FGF2: variants seen among roughly 807,000 people sequenced by gnomAD.
FGF2 encodes basic fibroblast growth factor bFGF.
A neutral mutation model predicts 15.9 loss-of-function variants in FGF2; 13 were observed. The ratio of observed to expected loss-of-function variants is 0.82; its 90% confidence interval spans 0.53 to 1.30. The LOEUF (loss-of-function observed/expected upper bound fraction) is 1.30, where lower values mean the gene tolerates loss of function less well. Among genes scored for constraint, FGF2 ranks in the 50% most tolerant of loss-of-function variants. The pLI is 0.00. For missense variants in FGF2, 163 were observed against 196.9 expected (o/e 0.83, Z 1.03); for synonymous variants, 90 against 78.4 (o/e 1.15, Z -0.78).
At chr4:122,881,524 C>T (rs1726960070) in intron 2 of FGF2, among the ~76,000 whole-genome samples, 1 of 152,192 alleles carries the variant, frequency 6.6e-6, no homozygotes, top group South Asian at 2.1e-4. Flanking sequence ...AGGGCAGGGG[C>T]AAAATGCCAC....
In FGF2 at chr4:122,827,283, G is replaced by T. The variant is rs1304371444; in HGVS notation, c.109G>T (p.Gly37Trp). 2 of 1,612,862 alleles carry T rather than the reference G, an allele frequency of 1.2e-6. No homozygotes were observed. Residue 37 changes from glycine (G) to tryptophan (W), a missense_variant, in exon 1 of 3, where the codon GGG (glycine) becomes TGG (tryptophan). Physicochemically the swap from Gly to Trp is radical, Grantham distance 184. Coordinates refer to ENST00000644866, the MANE Select transcript of FGF2 (RefSeq NM_001361665.2). This position sits in a 1 kb window ranked among gnomAD's most constrained non-coding sequence, Gnocchi z 4.2. ...KDPKRLYCKN[G>W]GFFLRIHPDG... is the part of the protein sequence containing the mutation. The stretch of plus-strand genomic sequence containing the variant: ...CCCCAAGCGGCTGTACTGCAAAAAC[G>T]GGGGCTTCTTCCTGCGCATCCACCC...
Position 122,894,368 on chromosome 4 carries a change from A to T in FGF2, c.*1972A>T, listed in dbSNP as rs935105793. The T allele has an allele frequency of 6.6e-6, 1 of 152,402 alleles. No individual in the cohort carries two copies. The highest frequency in any genetic ancestry group is 2.4e-5 in the African/African-American group (1 of 41,434). The allele number at this position is 152,402 out of a possible 1,614,324, so 9.4% of individuals were successfully genotyped here. A position where few individuals can be genotyped will look rare whatever the true frequency, so the allele number is the denominator to read the frequency against. On this transcript the variant is annotated 3_prime_UTR_variant, in exon 3 of 3. Transcript: ENST00000644866. ...CACTTTGGGAGGCCAAAGCAGGAGG[A>T]TCGCTTGAGCCCAGGAGTTCAAGAC...
rs540216686 is a variant in FGF2 at position 122,872,396 on chromosome 4, CG to C, written c.179-3924del. Among the ~76,000 whole-genome samples, 41 of 151,344 alleles carry C rather than the reference CG, an allele frequency of 2.7e-4. No homozygotes were observed. In the East Asian group the frequency reaches 3.1e-3, roughly 11 times the overall value. ...TTCATAAAAAGACCGAACCTACTATCGATTGGAGTACCAGAAGAAGACAGGG... is the reference window on the plus strand; with the variant it reads ...TTCATAAAAAGACCGAACCTACTATCATTGGAGTACCAGAAGAAGACAGGG... On this transcript the variant is annotated intron_variant, in intron 1 of 2. Transcript: ENST00000644866.
chr4:122,887,130 A>G (rs1265142019), intron 2 of FGF2, among the ~76,000 whole-genome samples: 1 of 152,148 alleles, frequency 6.6e-6, no homozygotes, highest in African/African-American at 2.4e-5. Context: ...CCTGACCAAC[A>G]TGGTGAAACC....
chr4:122,895,111 G>T lies in FGF2; in HGVS notation c.*2715G>T, dbSNP rs1727310022. The T allele has an allele frequency of 6.6e-6, 1 of 152,156 alleles. No individual in the cohort carries two copies. The highest frequency in any genetic ancestry group is 6.5e-5 in the Admixed American group (1 of 15,270). The allele number at this position is 152,156 out of a possible 1,614,324, so 9.4% of individuals were successfully genotyped here. On this transcript the variant is annotated 3_prime_UTR_variant, in exon 3 of 3. Coordinates refer to ENST00000644866, the MANE Select transcript of FGF2 (RefSeq NM_001361665.2). ...ATTGAATGGGCAAATAAGTGCTTTT[G>T]TCTCCAGAGTATGCGGGAGACCCTT...
In FGF2 at chr4:122,854,668, G is replaced by A. The variant is rs141350832; in HGVS notation, c.179-21653G>A. Among the ~76,000 whole-genome samples the A allele has an allele frequency of 4.3e-3, 651 of 152,310 alleles. 6 individuals are homozygous for A. Among genetic ancestry groups the A allele is most frequent in the African/African-American group, 0.014 (596 of 41,566 alleles). On this transcript the variant is annotated intron_variant, in intron 1 of 2. Coordinates refer to ENST00000644866, the MANE Select transcript of FGF2 (RefSeq NM_001361665.2). ...CAGCATATGTCATGCAGGGGATGCG[G>A]GGAAGAATTTTCCTTGCAAGGGCCT...
Position 122,893,185 on chromosome 4 carries a change from T to A in FGF2, c.*789T>A. 6.2e-7 allele frequency: 1 copy of A among 1,612,658 alleles called. No homozygotes were observed. The highest frequency in any genetic ancestry group is 8.5e-7 in the Non-Finnish European group (1 of 1,179,226). ...TCAGGACGGACCTGAATTCTGATTT[T>A]ATACCAGTCTCTTCAAAAACTTCTC... is the stretch of plus-strand genomic sequence containing the variant. On this transcript the variant is annotated 3_prime_UTR_variant, in exon 3 of 3. Transcript: ENST00000644866.
chr4:122,872,391 A>G (rs1482875524), intron 1 of FGF2, among the ~76,000 whole-genome samples: 6 of 152,194 alleles, frequency 3.9e-5, no homozygotes, highest in South Asian at 4.1e-4. Context: ...GACCGAACCT[A>G]CTATCGATTG....
Position 122,861,671 on chromosome 4 carries a change from A to G in FGF2, c.179-14650A>G, listed in dbSNP as rs45470198. Among the ~76,000 whole-genome samples the G allele has an allele frequency of 4.0e-3, 607 of 152,102 alleles. 2 individuals are homozygous for G. The highest frequency in any genetic ancestry group is 0.014 in the African/African-American group (568 of 41,474). On this transcript the variant is annotated intron_variant, in intron 1 of 2. Coordinates refer to ENST00000644866, the MANE Select transcript of FGF2 (RefSeq NM_001361665.2). ...TTAAAAGCTCTCATTCTTTCATGCT[A>G]TTACACACTACCAAACTCCTTAACA...
At chr4:122,876,673 T>C (rs1297697856) in intron 2 of FGF2, among the ~76,000 whole-genome samples, 2 of 152,216 alleles carry the variant, frequency 1.3e-5, no homozygotes, top group Non-Finnish European at 2.9e-5. Flanking sequence ...TCCTGACCTC[T>C]AAGTCACTGC....
At chr4:122,868,742 A>T (rs1291988616) in intron 1 of FGF2, among the ~76,000 whole-genome samples, 2 of 152,204 alleles carry the variant, frequency 1.3e-5, no homozygotes, top group Non-Finnish European at 2.9e-5. Flanking sequence ...CAACGGTGTT[A>T]AAGTGTTTCT....
intron 1 of FGF2, among the ~76,000 whole-genome samples, chr4:122,851,406 G>T (rs148418834): frequency 6.6e-6 from 1 of 152,138 alleles, no homozygotes; most frequent in Non-Finnish European, 1.5e-5. Context: ...TTAGAAGTAG[G>T]TATGGCCAAT....
intron 1 of FGF2, among the ~76,000 whole-genome samples, chr4:122,836,376 C>T (rs564302455): frequency 2.0e-5 from 3 of 152,302 alleles, no homozygotes; most frequent in South Asian, 2.1e-4. Context: ...TGTCTGTCCT[C>T]GTACCTTATC....
chr4:122,830,792 A>G (rs1057372622), intron 1 of FGF2, among the ~76,000 whole-genome samples: 1 of 131,738 alleles, frequency 7.6e-6, no homozygotes, highest in East Asian at 2.7e-4. Flanking sequence ...TTAGTATTCA[A>G]TTTATTCCAG....
rs1303093155 is a variant in FGF2 at position 122,832,991 on chromosome 4, G to T, written c.178+5639G>T. ...ACTGTGGTTCTTAGAAGCCAGACCA[G>T]TCTCATTCTAAACACCTTCAGAATA... On this transcript the variant is annotated intron_variant, in intron 1 of 2. Transcript: ENST00000644866. Among the ~76,000 whole-genome samples, 4 of 152,314 alleles carry T rather than the reference G, an allele frequency of 2.6e-5. 1 individual carries two copies. In the South Asian group the frequency reaches 6.2e-4, roughly 24 times the overall value.
intron 1 of FGF2, among the ~76,000 whole-genome samples, chr4:122,866,448 AC>A (rs1192012531): frequency 6.6e-6 from 1 of 152,238 alleles, no homozygotes; most frequent in Non-Finnish European, 1.5e-5. Context: ...ATATGTCTGA[AC>A]GGGATTTGTG....
At chr4:122,859,379 GAAATA>G (rs1482221896) in intron 1 of FGF2, among the ~76,000 whole-genome samples, 22 of 152,144 alleles carry the variant, frequency 1.4e-4, no homozygotes, top group South Asian at 4.1e-4. Context: ...TTTCCCTTGG[GAAATA>G]AAATAAAACT....
intron 2 of FGF2, among the ~76,000 whole-genome samples, chr4:122,878,265 A>C (rs1390062509): frequency 3.3e-5 from 5 of 152,288 alleles, no homozygotes; most frequent in East Asian, 1.9e-4. Context: ...AGGTAATTAC[A>C]TTTTTCTAGA....
In FGF2 at chr4:122,893,972, T is replaced by C. The variant is rs1441978358; in HGVS notation, c.*1576T>C. The C allele has an allele frequency of 6.6e-6, 1 of 152,206 alleles. No homozygotes were observed. The highest frequency in any genetic ancestry group is 2.4e-5 in the African/African-American group (1 of 41,448). 9.4% of individuals were successfully genotyped at this position (152,206 alleles called of 1,614,324 possible). Reference sequence around the variant, plus strand: ...TGTTCCAATACTCGTTTTGCCTCTATTTTTCTTGTTTGTCAAATAGTAAAT... The same window carrying C: ...TGTTCCAATACTCGTTTTGCCTCTACTTTTCTTGTTTGTCAAATAGTAAAT... On this transcript the variant is annotated 3_prime_UTR_variant, in exon 3 of 3. Coordinates refer to ENST00000644866, the MANE Select transcript of FGF2 (RefSeq NM_001361665.2).
Sources: gnomAD v4.1 joint callset for allele counts (sites outside exome capture counted in the v4.1 genomes callset) on GRCh38, gnomAD v4.1.1 for gene constraint, Gnocchi (gnomAD v3.1) non-coding constraint, MANE v1.5 for transcripts, NCBI Gene and HGNC (gene_info 2026-07-23, HGNC 2026-07-21) for gene names.